BMP7: variants seen among roughly 807,000 people sequenced by gnomAD.
The protein encoded by BMP7 is bone morphogenetic protein 7, also known as osteogenic protein 1.
BMP7 carries 12 observed loss-of-function variants against 41.2 expected under a neutral mutation model. That is an observed-to-expected ratio of 0.29 (90% CI 0.19 to 0.47). The LOEUF is 0.47. Among genes scored for constraint, BMP7 ranks in the 20% least tolerant of loss-of-function variants. BMP7 has a pLI of 0.99. For synonymous variants in BMP7, 248 were observed against 250.0 expected (o/e 0.99, Z 0.07); for missense variants, 467 against 606.0 (o/e 0.77, Z 2.41).
At chr20:57,201,864 A>G (rs1285592987) in intron 3 of BMP7, among the ~76,000 whole-genome samples, 1 of 152,132 alleles carries the variant, frequency 6.6e-6, no homozygotes, top group African/African-American at 2.4e-5. Context: ...TGTAGTGGGA[A>G]TGAGAAGTGT....
rs200790829 is a variant in BMP7, at chr20:57,171,155, G to T, written c.1147-47C>A. On this transcript the variant is annotated intron_variant, in intron 6 of 6. Transcript: ENST00000395863. This position sits in a 1 kb window ranked among gnomAD's most constrained non-coding sequence, Gnocchi z 4.5. ...GGGCAGTGGTGAGAAGCGGTGAGTC[G>T]TTCTAACTGGCCTCCACGTTTCTAT... 1 of 1,612,572 alleles carries T rather than the reference G, an allele frequency of 6.2e-7. No individual in the cohort carries two copies. Among genetic ancestry groups the T allele is most frequent in the Non-Finnish European group, 8.5e-7 (1 of 1,178,870 alleles).
Position 57,171,023 on chromosome 20 carries a change from T to C in BMP7, c.1232A>G (p.Asp411Gly), listed in dbSNP as rs1462910266. The change falls in exon 7 of 7, where the codon GAC becomes GGC. Residue 411 changes from aspartate to glycine, a missense_variant. Physicochemically the swap from Asp to Gly is moderately conservative, Grantham distance 94. Transcript: ENST00000395863. The surrounding 1 kb of genome is among the most constrained non-coding windows in gnomAD (Gnocchi z 4.5). ...LNAISVLYFD[D>G]SSNVILKKYR... The stretch of plus-strand genomic sequence containing the variant: ...TTTCTTCAGGATGACGTTGGAGCTG[T>C]CATCGAAGTAGAGGACGGAGATGGC... 1 of 1,614,198 alleles carries C rather than the reference T, an allele frequency of 6.2e-7. No homozygotes were observed. The highest frequency in any genetic ancestry group is 1.1e-5 in the South Asian group (1 of 91,074).
chr20:57,216,189 C>T (rs1436491574), intron 2 of BMP7, among the ~76,000 whole-genome samples: 2 of 152,148 alleles, frequency 1.3e-5, no homozygotes, highest in Non-Finnish European at 2.9e-5. Context: ...TTGGTAGGCC[C>T]TCACCAGGTC....
intron 6 of BMP7, 199 bp downstream of exon 6, chr20:57,173,001 G>C (rs1434964161): frequency 3.1e-6 from 2 of 648,080 alleles, no homozygotes; most frequent in Non-Finnish European, 5.5e-6. Flanking sequence ...CAGGGTCGAA[G>C]ATTATACTCC....
rs776848068 is a variant in BMP7, at chr20:57,173,068, G to A, written c.1146+132C>T. On this transcript the variant is annotated intron_variant, in intron 6 of 6. Coordinates refer to ENST00000395863, the MANE Select transcript of BMP7 (RefSeq NM_001719.3). ...TTTTGATTTTTTTTTAACGGCGCAA[G>A]GGGCCCCCAAAAGTCATGACATGGC... 6.3e-6 allele frequency: 6 copies of A among 947,502 alleles called. No homozygotes were observed. The Admixed American group carries it at 8.0e-5, about 13-fold the overall frequency. 58.7% of individuals were successfully genotyped at this position (947,502 alleles called of 1,614,324 possible).
intron 1 of BMP7, among the ~76,000 whole-genome samples, chr20:57,253,578 C>T (rs1048329835): frequency 6.6e-6 from 1 of 152,092 alleles, no homozygotes; most frequent in African/African-American, 2.4e-5. Context: ...TCGTTATTGG[C>T]CTTCAGGGCA....
chr20:57,221,756 A>G (rs1985193839), intron 2 of BMP7, among the ~76,000 whole-genome samples: 1 of 147,580 alleles, frequency 6.8e-6, no homozygotes, highest in Non-Finnish European at 1.5e-5. Context: ...GGCTGCAGTG[A>G]GCTGTGATCA....
rs79238791 is a variant in BMP7, at chr20:57,174,540, G to A, written c.1035+391C>T. Among the ~76,000 whole-genome samples the A allele has an allele frequency of 2.5e-3, 380 of 152,248 alleles. 1 individual carries two copies. Among genetic ancestry groups the A allele is most frequent in the African/African-American group, 8.6e-3 (357 of 41,560 alleles). ...TGCCTGAACCAAGCTGGGCAGATCCGTCCCTCCCGTGGGAATGGGAATGGG... is the reference window on the plus strand; with the variant it reads ...TGCCTGAACCAAGCTGGGCAGATCCATCCCTCCCGTGGGAATGGGAATGGG... On this transcript the variant is annotated intron_variant, in intron 5 of 6. Coordinates refer to ENST00000395863, the MANE Select transcript of BMP7 (RefSeq NM_001719.3). This position sits in a 1 kb window ranked among gnomAD's most constrained non-coding sequence, Gnocchi z 4.3.
chr20:57,252,207 G>C (rs928707820), intron 1 of BMP7, among the ~76,000 whole-genome samples: 2 of 152,178 alleles, frequency 1.3e-5, no homozygotes, highest in African/African-American at 4.8e-5. Flanking sequence ...TGTCATTTTA[G>C]TGTCATGAAA....
At chr20:57,209,253 A>T (rs994778782) in intron 2 of BMP7, among the ~76,000 whole-genome samples, 15,029 of 97,444 alleles carry the variant, frequency 0.15, 1,211 homozygotes, top group South Asian at 0.24. Context: ...ATATTTTTAT[A>T]TATATATATA....
intron 3 of BMP7, among the ~76,000 whole-genome samples, chr20:57,185,647 G>C (rs917334413): frequency 1.3e-5 from 2 of 152,216 alleles, no homozygotes; most frequent in Non-Finnish European, 2.9e-5. Flanking sequence ...GCCTAGGCTT[G>C]ATCAATTGAT....
chr20:57,202,382 G>A (rs1984641236), intron 3 of BMP7, 93 bp downstream of exon 3: 4 of 1,521,282 alleles, frequency 2.6e-6, no homozygotes, highest in East Asian at 4.8e-5. Flanking sequence ...GGGGAAGCCT[G>A]TTTGTAGTGA....
In BMP7 at chr20:57,228,756, C is replaced by T. The variant is rs1467962778; in HGVS notation, c.419-335G>A. ...GCCTGGGTTGGAATCTGGCCTCAGCCACTAACCAACAGAGTGGCCCTAGAT... is the reference window on the plus strand; with the variant it reads ...GCCTGGGTTGGAATCTGGCCTCAGCTACTAACCAACAGAGTGGCCCTAGAT... On this transcript the variant is annotated intron_variant, in intron 1 of 6. Transcript: ENST00000395863. This position sits in a 1 kb window ranked among gnomAD's most constrained non-coding sequence, Gnocchi z 4.5. Among the ~76,000 whole-genome samples the T allele has an allele frequency of 6.6e-6, 1 of 152,212 alleles. No homozygotes were observed. Among genetic ancestry groups the T allele is most frequent in the East Asian group, 1.9e-4 (1 of 5,192 alleles).
chr20:57,231,224 G>A (rs6127973), intron 1 of BMP7, among the ~76,000 whole-genome samples: 17,174 of 152,146 alleles, frequency 0.11, 1,229 homozygotes, highest in East Asian at 0.3. Flanking sequence ...ATTCATCCAC[G>A]TCACCGTGCA....
intron 4 of BMP7, among the ~76,000 whole-genome samples, chr20:57,179,545 G>C (rs1394097244): frequency 6.6e-6 from 1 of 152,232 alleles, no homozygotes; most frequent in African/African-American, 2.4e-5. Context: ...GGGGGCTGGC[G>C]GGCAGGAAAG....
At position 57,225,800 on chromosome 20, in the gene BMP7, C is replaced by T. The variant is rs879122951; in HGVS notation, c.611+2429G>A. The T allele has an allele frequency of 1.4e-4, 62 of 438,078 alleles. 2 individuals carry two copies. Among genetic ancestry groups the T allele is most frequent in the South Asian group, 8.8e-4 (53 of 60,402 alleles). 27.1% of individuals were successfully genotyped at this position (438,078 alleles called of 1,614,324 possible). A position where few individuals can be genotyped will look rare whatever the true frequency, so the allele number is the denominator to read the frequency against. ...TGTAGAAACCTAAAGAAAGCAGCTC[C>T]GTCTTGCCCTCCACTGCTTCTCACC... On this transcript the variant is annotated intron_variant, in intron 2 of 6. Transcript: ENST00000395863.
intron 4 of BMP7, among the ~76,000 whole-genome samples, chr20:57,180,589 G>A (rs992223895): frequency 6.6e-6 from 1 of 152,158 alleles, no homozygotes; most frequent in East Asian, 1.9e-4. Context: ...ACACCCCCAA[G>A]GGCAGCCTTT....
chr20:57,207,759 G>A (rs1162241924), intron 2 of BMP7, among the ~76,000 whole-genome samples: 1 of 149,468 alleles, frequency 6.7e-6, no homozygotes, highest in Non-Finnish European at 1.5e-5. Flanking sequence ...ATTTTGATTT[G>A]CCCAAAAGAA....
At chr20:57,189,546 G>A (rs1017882299) in intron 3 of BMP7, among the ~76,000 whole-genome samples, 3 of 152,208 alleles carry the variant, frequency 2.0e-5, no homozygotes, top group Non-Finnish European at 4.4e-5. Flanking sequence ...CCACATGATT[G>A]GGACTGCACC....
Sources: gnomAD v4.1 joint callset for allele counts (sites outside exome capture counted in the v4.1 genomes callset) on GRCh38, gnomAD v4.1.1 for gene constraint, Gnocchi (gnomAD v3.1) non-coding constraint, MANE v1.5 for transcripts, NCBI Gene and HGNC (gene_info 2026-07-23, HGNC 2026-07-21) for gene names.